The following MTCL2 variants were observed in gnomAD, a reference collection of about 807,000 sequenced individuals.
MTCL2 encodes the protein microtubule crosslinking factor 2, also known as microtubule cross-linking factor 2.
At chr20:36,809,903 C>A in the MTCL2 span, 22 of 1,510,030 alleles carry the variant, frequency 1.5e-5, no homozygotes, top group Non-Finnish European at 1.9e-5. Context: ...TCAGAGGGCC[C>A]ATAGATCCTC....
chr20:36,786,533 T>C, the MTCL2 span: 4 of 1,550,706 alleles, frequency 2.6e-6, no homozygotes, highest in Non-Finnish European at 3.5e-6. Flanking sequence ...AGCTGGACTC[T>C]GAAGGGTGCA....
chr20:36,808,884 G>A, the MTCL2 span: 10 of 690,020 alleles, frequency 1.4e-5, no homozygotes, highest in South Asian at 1.1e-4. Context: ...CACACGTGGC[G>A]CAATCTATTC....
chr20:36,836,896 T>C, the MTCL2 span, among the ~76,000 whole-genome samples: 5 of 152,176 alleles, frequency 3.3e-5, no homozygotes, highest in Non-Finnish European at 7.3e-5. Context: ...GAACAGGCAC[T>C]CCTGTTTACC....
At chr20:36,859,823 C>T in the MTCL2 span, 13 of 1,231,688 alleles carry the variant, frequency 1.1e-5, no homozygotes, top group Non-Finnish European at 1.2e-5. Flanking sequence ...CCCTTGTACT[C>T]AGTTTCTGCA....
chr20:36,862,757 C>T, the MTCL2 span: 19 of 1,459,162 alleles, frequency 1.3e-5, no homozygotes, highest in South Asian at 2.1e-4. Context: ...AGAAGGCAAG[C>T]GAGGCGCTGA....
At chr20:36,784,025 G>A in the MTCL2 span, 1 of 985,642 alleles carries the variant, frequency 1.0e-6, no homozygotes, top group Non-Finnish European at 1.2e-6. Context: ...CAACAAAGAT[G>A]GCAAGGACAA....
At chr20:36,858,215 C>T in the MTCL2 span, among the ~76,000 whole-genome samples, 1 of 151,948 alleles carries the variant, frequency 6.6e-6, no homozygotes, top group South Asian at 2.1e-4. Context: ...TGTAAAATGG[C>T]AAGTGGGGAT....
the MTCL2 span, chr20:36,859,648 C>T: frequency 8.9e-6 from 11 of 1,231,638 alleles, no homozygotes. Context: ...ACTTGGACCC[C>T]AGAGCAGACC....
At chr20:36,843,975 C>T in the MTCL2 span, among the ~76,000 whole-genome samples, 4 of 152,236 alleles carry the variant, frequency 2.6e-5, no homozygotes, top group Non-Finnish European at 5.9e-5. Flanking sequence ...CGATGGCTCA[C>T]GCCTGTAATC....
At chr20:36,808,778 C>A in the MTCL2 span, 1 of 1,532,506 alleles carries the variant, frequency 6.5e-7, no homozygotes, top group Non-Finnish European at 8.8e-7. Context: ...AACCCCAGGG[C>A]CCTGTCCTCT....
the MTCL2 span, chr20:36,815,974 C>T: frequency 6.2e-7 from 1 of 1,613,546 alleles, no homozygotes; most frequent in East Asian, 2.2e-5. This position sits in a 1 kb window ranked among gnomAD's most constrained non-coding sequence, Gnocchi z 5.3. Context: ...GCCTCAGGAC[C>T]CCCACAGCCA....
At chr20:36,816,777 G>T in the MTCL2 span, among the ~76,000 whole-genome samples, 2 of 152,156 alleles carry the variant, frequency 1.3e-5, no homozygotes, top group African/African-American at 4.8e-5. Context: ...AACTCAAAAT[G>T]ACTCGCTCCA....
At chr20:36,790,601 A>AT in the MTCL2 span, among the ~76,000 whole-genome samples, 1 of 150,312 alleles carries the variant, frequency 6.7e-6, no homozygotes, top group African/African-American at 2.5e-5. Context: ...CGCCTGGCTA[A>AT]TTTTTTGTAT....
At chr20:36,854,610 A>G in the MTCL2 span, among the ~76,000 whole-genome samples, 1 of 152,114 alleles carries the variant, frequency 6.6e-6, no homozygotes, top group Non-Finnish European at 1.5e-5. Context: ...CTGCTCCACC[A>G]TGGGGTAGGG....
the MTCL2 span, among the ~76,000 whole-genome samples, chr20:36,787,523 C>A: frequency 6.6e-6 from 1 of 151,982 alleles, no homozygotes. Flanking sequence ...GTGCCTGGCC[C>A]CAATTCACTT....
chr20:36,815,533 G>T, the MTCL2 span: 1 of 1,574,556 alleles, frequency 6.4e-7, no homozygotes, highest in Non-Finnish European at 8.6e-7. This position sits in a 1 kb window ranked among gnomAD's most constrained non-coding sequence, Gnocchi z 5.3. Context: ...TGGGACTCGT[G>T]TGTCTCGCCC....
At chr20:36,812,962 T>G in the MTCL2 span, 1 of 1,248,474 alleles carries the variant, frequency 8.0e-7, no homozygotes, top group Non-Finnish European at 1.1e-6. Flanking sequence ...ACCACCCACC[T>G]GAGGGCTGGG....
chr20:36,794,108 C>A, the MTCL2 span: 1 of 1,551,428 alleles, frequency 6.4e-7, no homozygotes, highest in Non-Finnish European at 8.7e-7. This position sits in a 1 kb window ranked among gnomAD's most constrained non-coding sequence, Gnocchi z 5.4. Context: ...GAAGCCAGGC[C>A]CGGCCGCCGA....
At chr20:36,831,523 C>G in the MTCL2 span, among the ~76,000 whole-genome samples, 7 of 152,230 alleles carry the variant, frequency 4.6e-5, no homozygotes, top group Admixed American at 1.3e-4. Context: ...CTGGCTCTGA[C>G]CTCTGCCTGG....
Sources: allele counts gnomAD v4.1 joint callset (sites outside exome capture counted in the v4.1 genomes callset), GRCh38; gene constraint gnomAD v4.1.1; non-coding constraint Gnocchi (gnomAD v3.1); transcripts MANE v1.5; gene names NCBI Gene and HGNC (gene_info 2026-07-23, HGNC 2026-07-21).